UNC45A: variants seen among roughly 807,000 people sequenced by gnomAD.
UNC45A encodes the protein unc-45 myosin chaperone A.
Under a neutral mutation model 103.2 loss-of-function variants are expected in UNC45A, and 78 were observed. The ratio of observed to expected loss-of-function variants is 0.76; its 90% CI spans 0.63 to 0.91. UNC45A has a LOEUF of 0.91. Among genes scored for constraint, UNC45A ranks in the 40% least tolerant of loss-of-function variants. UNC45A has a pLI of 0.00. For synonymous variants in UNC45A, 495 were observed against 504.6 expected (o/e 0.98, Z 0.25); for missense variants, 1,193 against 1,224.8 (o/e 0.97, Z 0.39).
Position 90,953,661 on chromosome 15 carries a change from G to T in UNC45A, c.2780G>T (p.Cys927Phe), listed in dbSNP as rs773270689. Residue 927 changes from cysteine (C) to phenylalanine (F), a missense_variant, in exon 20 of 20, where the codon TGC (cysteine) becomes TTC (phenylalanine). Coordinates refer to ENST00000418476, the MANE Select transcript of UNC45A (RefSeq NM_018671.5). ...CCTGTCACAAGGGCTGCTGCAGCCTGCCTGGACAAAGCAGTGGAATATGGG... is the reference window on the plus strand; with the variant it reads ...CCTGTCACAAGGGCTGCTGCAGCCTTCCTGGACAAAGCAGTGGAATATGGG... ...HSPVTRAAAACLDKAVEYGLI... is the reference protein window; with the variant it reads ...HSPVTRAAAAFLDKAVEYGLI... The T allele has an allele frequency of 1.2e-6, 2 of 1,614,140 alleles. 1 individual carries two copies. Among genetic ancestry groups the T allele is most frequent in the South Asian group, 2.2e-5 (2 of 91,090 alleles).
At chr15:90,932,007 G>A (rs1482353717), upstream of UNC45A, 2 of 1,613,900 alleles carry the variant, frequency 1.2e-6, no homozygotes, top group Non-Finnish European at 1.7e-6. Flanking sequence ...GCTGAATGGG[G>A]CCCCTAATCC....
upstream of UNC45A, chr15:90,932,455 C>T (rs759526012): frequency 1.5e-6 from 2 of 1,341,772 alleles, no homozygotes; most frequent in South Asian, 2.0e-5. Flanking sequence ...GTAGGGGGTC[C>T]CCTCGGGGTC....
chr15:90,948,378 G>C, intron 12 of UNC45A, 95 bp downstream of exon 12: 1 of 1,550,222 alleles, frequency 6.5e-7, no homozygotes, highest in South Asian at 1.2e-5. Flanking sequence ...GGGGTCTTTT[G>C]ACCCCAGGGA....
Position 90,947,066 on chromosome 15 carries a change from A to G in UNC45A, c.1500+152A>G, listed in dbSNP as rs926335154. ...TAGCTAGGCTTGGTGGTGCATGCCT[A>G]TAGGTCCAGCTACTTGGGAGGCTGA... On this transcript the variant is annotated intron_variant, in intron 10 of 19. Coordinates refer to ENST00000418476, the MANE Select transcript of UNC45A (RefSeq NM_018671.5). 6 of 869,602 alleles carry G rather than the reference A, an allele frequency of 6.9e-6. No homozygotes were observed. Among genetic ancestry groups the G allele is most frequent in the South Asian group, 5.3e-5 (3 of 56,288 alleles). The allele number at this position is 869,602 out of a possible 1,614,324, so 53.9% of individuals were successfully genotyped here.
At position 90,944,570 on chromosome 15, in the gene UNC45A, C is replaced by T. The variant is rs558411870; in HGVS notation, c.1028-322C>T. 5.3e-5 allele frequency among the ~76,000 whole-genome samples: 8 copies of T among 152,148 alleles called. No homozygotes were observed. The South Asian group carries it at 1.5e-3, about 28-fold the overall frequency. ...CAGTGGTCCTACGAGGTGTGGGTAT[C>T]GTGTTCACAATGGTCCTATGAGGTG... On this transcript the variant is annotated intron_variant, in intron 8 of 19. Coordinates refer to ENST00000418476, the MANE Select transcript of UNC45A (RefSeq NM_018671.5).
chr15:90,939,907 C>T lies in UNC45A; in HGVS notation c.519+84C>T, dbSNP rs74039158. On this transcript the variant is annotated intron_variant, in intron 5 of 19. Coordinates refer to ENST00000418476, the MANE Select transcript of UNC45A (RefSeq NM_018671.5). Reference sequence around the variant, plus strand: ...CCCCCGAAGCCACTGCTGCCTTGCTCTGCCGCTCCTCCAATCGTGCAGCTG... The same window carrying T: ...CCCCCGAAGCCACTGCTGCCTTGCTTTGCCGCTCCTCCAATCGTGCAGCTG... 8.0e-5 allele frequency: 100 copies of T among 1,255,388 alleles called. No homozygotes were observed. In the African/African-American group the frequency reaches 1.5e-3, roughly 19 times the overall value. The allele number at this position is 1,255,388 out of a possible 1,614,324, so 77.8% of individuals were successfully genotyped here.
intron 9 of UNC45A, 133 bp downstream of exon 9, chr15:90,945,196 A>G: frequency 7.8e-7 from 1 of 1,283,816 alleles, no homozygotes; most frequent in South Asian, 1.5e-5. Flanking sequence ...AGGCTGAACA[A>G]AGGGAAAGTG....
intron 8 of UNC45A, 132 bp from the exon 9 acceptor site, chr15:90,944,760 G>T (rs760758420): frequency 2.6e-4 from 284 of 1,100,730 alleles, no homozygotes; most frequent in South Asian, 3.3e-4. Flanking sequence ...TCTCCGGGCT[G>T]CCCTGGACAC....
At position 90,950,654 on chromosome 15, in the gene UNC45A, C is replaced by T. The variant is rs771163237; in HGVS notation, c.2303+39C>T. On this transcript the variant is annotated intron_variant, in intron 17 of 19. Transcript: ENST00000418476. ...GGATTGCGGGGCCTGGACCAGGCATCGGGATTCGGAATATCCCCCACAGCA... is the reference window on the plus strand; with the variant it reads ...GGATTGCGGGGCCTGGACCAGGCATTGGGATTCGGAATATCCCCCACAGCA... 1.7e-5 allele frequency: 27 copies of T among 1,595,848 alleles called. No homozygotes were observed. The South Asian group carries it at 1.8e-4, about 11-fold the overall frequency.
In UNC45A at chr15:90,948,598, ATC is replaced by A. The variant is rs1156467628; in HGVS notation, c.1738-54_1738-53del. ...GGGGGCCTGGGCCTGGGCAGCATTT[ATC>A]TGAGTACTGCTCTGCCCCGGGATGC... On this transcript the variant is annotated intron_variant, in intron 12 of 19. Transcript: ENST00000418476. The A allele has an allele frequency of 2.8e-5, 44 of 1,592,508 alleles. 1 individual carries two copies. The Admixed American group carries it at 6.6e-4, about 24-fold the overall frequency.
Position 90,953,919 on chromosome 15 carries a change from C to G in UNC45A, c.*203C>G. 1.4e-6 allele frequency: 1 copy of G among 715,608 alleles called. No individual in the cohort carries two copies. Among genetic ancestry groups the G allele is most frequent in the Non-Finnish European group, 2.3e-6 (1 of 442,972 alleles). 44.3% of individuals were successfully genotyped at this position (715,608 alleles called of 1,614,324 possible). ...CTGCTTGGCCAGCACTGCCTGCAGC[C>G]TCACTCAGAGGGGCCCTTTTTCTGT... On this transcript the variant is annotated 3_prime_UTR_variant, in exon 20 of 20. Coordinates refer to ENST00000418476, the MANE Select transcript of UNC45A (RefSeq NM_018671.5).
Position 90,944,913 on chromosome 15 carries a change from T to TGG in UNC45A, c.1054_1055dup (p.Ser353AlafsTer12). On this transcript the variant is annotated frameshift_variant, in exon 9 of 20. Transcript: ENST00000418476. LOFTEE classifies it high-confidence loss of function. ...ACAGGTCTGAAAAAGATTTTGGAAGTGGGGGGCTCTCTACAGGACCCTCCT... is the reference window on the plus strand; with the variant it reads ...ACAGGTCTGAAAAAGATTTTGGAAGTGGGGGGGGCTCTCTACAGGACCCTCCT... 1 of 1,612,188 alleles carries TGG rather than the reference T, an allele frequency of 6.2e-7. No individual in the cohort carries two copies. Among genetic ancestry groups the TGG allele is most frequent in the East Asian group, 2.2e-5 (1 of 44,870 alleles).
intron 8 of UNC45A, among the ~76,000 whole-genome samples, chr15:90,944,007 T>TTG (rs2036432019): frequency 6.7e-6 from 1 of 149,132 alleles, no homozygotes; most frequent in African/African-American, 2.5e-5. Flanking sequence ...TTTTTTTTTT[T>TTG]TTTTGTTTGA....
rs370176154 is a variant in UNC45A, at chr15:90,940,302, G to A, written c.520-4G>A. On this transcript the variant is annotated splice_polypyrimidine_tract_variant and splice_region_variant and intron_variant, in intron 5 of 19. Transcript: ENST00000418476. ...AACATTATAATGTGCTTCCTTTGAC[G>A]CAGGCTTCTCAGAACCTGGTGGTGC... is the stretch of plus-strand genomic sequence containing the variant. 4.3e-6 allele frequency: 7 copies of A among 1,611,220 alleles called. No homozygotes were observed. The highest frequency in any genetic ancestry group is 4.5e-5 in the East Asian group (2 of 44,840).
At chr15:90,930,405 C>T (rs904313185), upstream of UNC45A, 10 of 152,498 alleles carry the variant, frequency 6.6e-5, no homozygotes, top group African/African-American at 2.4e-4. Context: ...CGCTGTGTCA[C>T]CCAAGCTGGA....
At chr15:90,945,859 C>A (rs1178803819) in intron 9 of UNC45A, among the ~76,000 whole-genome samples, 1 of 150,380 alleles carries the variant, frequency 6.6e-6, no homozygotes, top group Non-Finnish European at 1.5e-5. Flanking sequence ...TCTCGAACTC[C>A]TGACCTCACA....
At chr15:90,932,429 C>T, upstream of UNC45A, 8 of 1,353,044 alleles carry the variant, frequency 5.9e-6, no homozygotes, top group Non-Finnish European at 7.6e-6. Flanking sequence ...ACGCGCCCAC[C>T]GATGGGGTGG....
At chr15:90,937,484 A>G (rs920730875) in intron 4 of UNC45A, among the ~76,000 whole-genome samples, 1 of 151,814 alleles carries the variant, frequency 6.6e-6, no homozygotes, top group Non-Finnish European at 1.5e-5. Context: ...ACAAAGGAAA[A>G]TAATTGTTTT....
intron 7 of UNC45A, 145 bp from the exon 8 acceptor site, chr15:90,942,767 G>C: frequency 1.1e-5 from 16 of 1,476,006 alleles, no homozygotes; most frequent in Non-Finnish European, 1.5e-5. Context: ...CAACCAAGGT[G>C]CCTCAGGACA....
Sources: allele counts gnomAD v4.1 joint callset (sites outside exome capture counted in the v4.1 genomes callset), GRCh38; gene constraint gnomAD v4.1.1; transcripts MANE v1.5; gene names NCBI Gene and HGNC (gene_info 2026-07-23, HGNC 2026-07-21).